Variants in TRAPPC12 observed in about 807,000 individuals in gnomAD.
The protein encoded by TRAPPC12 is TPR repeat protein 15.
A neutral mutation model predicts 69.2 loss-of-function variants in TRAPPC12; 61 were observed. That is an observed-to-expected ratio of 0.88 (90% CI 0.72 to 1.09). TRAPPC12 has a LOEUF of 1.09. TRAPPC12 is among the 50% of genes least tolerant of loss of function. The probability of loss-of-function intolerance (pLI) is 0.00; values close to 1 mark genes in which losing one functional copy is unlikely to be tolerated. For synonymous variants in TRAPPC12, 469 were observed against 438.9 expected, an observed-to-expected ratio of 1.07 and a Z score of -0.86; for missense variants, 1,101 against 1,016.4, an observed-to-expected ratio of 1.08 and a Z score of -1.13.
chr2:3,399,013 A>G (rs1661274930), intron 2 of TRAPPC12, among the ~76,000 whole-genome samples: 1 of 152,142 alleles, frequency 6.6e-6, no homozygotes. Flanking sequence ...GATGCAGTAC[A>G]AGCGTCTCCA....
chr2:3,403,697 C>T (rs113523831), intron 3 of TRAPPC12, among the ~76,000 whole-genome samples: 44 of 152,296 alleles, frequency 2.9e-4, no homozygotes, highest in South Asian at 2.3e-3. Flanking sequence ...TTTGGAGTAG[C>T]GCGTGGCTCA....
intron 1 of TRAPPC12, among the ~76,000 whole-genome samples, chr2:3,382,760 A>G (rs1463997891): frequency 6.6e-6 from 1 of 152,162 alleles, no homozygotes; most frequent in East Asian, 1.9e-4. Flanking sequence ...CCCCATCTCT[A>G]CAAAAAATAC....
intron 10 of TRAPPC12, 121 bp from the exon 11 acceptor site, chr2:3,478,725 C>T (rs1666408271): frequency 3.9e-6 from 3 of 778,974 alleles, no homozygotes; most frequent in Admixed American, 2.4e-5. Context: ...AGATCAGGAA[C>T]CCCGGGCCAC....
intron 2 of TRAPPC12, among the ~76,000 whole-genome samples, chr2:3,392,768 A>G (rs936650761): frequency 6.6e-6 from 1 of 152,250 alleles, no homozygotes; most frequent in African/African-American, 2.4e-5. Flanking sequence ...TATGGAAAAC[A>G]TGGAGGTGCC....
At chr2:3,385,534 G>A (rs73143386) in intron 1 of TRAPPC12, among the ~76,000 whole-genome samples, 8,092 of 152,172 alleles carry the variant, frequency 0.053, 759 homozygotes, top group African/African-American at 0.18. Context: ...CTGATAAACA[G>A]ATTTCCCTAA....
At chr2:3,410,680 G>A (rs1364044440) in intron 3 of TRAPPC12, among the ~76,000 whole-genome samples, 1 of 152,150 alleles carries the variant, frequency 6.6e-6, no homozygotes, top group Non-Finnish European at 1.5e-5. Flanking sequence ...AGATCTTCCC[G>A]TTGATATGTT....
At chr2:3,473,018 T>G (rs1666130600) in intron 9 of TRAPPC12, among the ~76,000 whole-genome samples, 1 of 152,194 alleles carries the variant, frequency 6.6e-6, no homozygotes, top group Admixed American at 6.5e-5. Context: ...TTTCTTAAAC[T>G]GACTTAGCAG....
intron 2 of TRAPPC12, among the ~76,000 whole-genome samples, chr2:3,393,689 TA>T (rs11336017): frequency 0.32 from 40,590 of 126,786 alleles, 5,829 homozygotes; most frequent in East Asian, 0.62. Context: ...TACCCACATT[TA>T]AAAAAAAAAA....
In TRAPPC12 at chr2:3,398,169, C is replaced by T. The variant is rs1464237374; in HGVS notation, c.1048-3608C>T. 3.9e-5 allele frequency among the ~76,000 whole-genome samples: 6 copies of T among 152,214 alleles called. No individual in the cohort carries two copies. The East Asian group carries it at 1.2e-3, about 29-fold the overall frequency. ...CTGTTGTGAGTAATGCTACTGTGAA[C>T]ATTCACACACAGGCGTTTGTGTCTA... On this transcript the variant is annotated intron_variant, in intron 2 of 11. Transcript: ENST00000324266.
At chr2:3,422,274 C>T (rs1257998071) in intron 4 of TRAPPC12, among the ~76,000 whole-genome samples, 1 of 152,146 alleles carries the variant, frequency 6.6e-6, no homozygotes, top group African/African-American at 2.4e-5. Context: ...CGCCTCACGA[C>T]TGGCAGTAGC....
At chr2:3,411,466 G>GA (rs1322200777) in intron 3 of TRAPPC12, among the ~76,000 whole-genome samples, 1 of 152,058 alleles carries the variant, frequency 6.6e-6, no homozygotes, top group African/African-American at 2.4e-5. Flanking sequence ...AAGAAAAACT[G>GA]AAAAAAAGAT....
chr2:3,407,615 A>T (rs1004937906), intron 3 of TRAPPC12, among the ~76,000 whole-genome samples: 4 of 152,114 alleles, frequency 2.6e-5, no homozygotes, highest in African/African-American at 9.7e-5. Context: ...ATCCTGGCTA[A>T]CACGGTGAAA....
chr2:3,432,854 G>A (rs1342802611), intron 5 of TRAPPC12, among the ~76,000 whole-genome samples: 1 of 152,192 alleles, frequency 6.6e-6, no homozygotes, highest in Non-Finnish European at 1.5e-5. Context: ...TACAGGCCTT[G>A]GCCAGTCACT....
intron 2 of TRAPPC12, among the ~76,000 whole-genome samples, chr2:3,390,900 A>T (rs1202148889): frequency 6.6e-6 from 1 of 152,178 alleles, no homozygotes; most frequent in Non-Finnish European, 1.5e-5. Context: ...AAGTCCTCTA[A>T]GTAATAAAAT....
intron 7 of TRAPPC12, 66 bp from the exon 8 acceptor site, chr2:3,460,197 A>G (rs771583999): frequency 8.3e-5 from 72 of 864,544 alleles, no homozygotes; most frequent in Non-Finnish European, 1.3e-4. Context: ...CACAGGACCC[A>G]GTAATTGAGG....
chr2:3,380,237 G>A (rs1383374395), intron 1 of TRAPPC12, among the ~76,000 whole-genome samples: 2 of 151,892 alleles, frequency 1.3e-5, no homozygotes, highest in African/African-American at 4.8e-5. Flanking sequence ...GTGCCAGCCA[G>A]GCCCCCAGCA....
intron 9 of TRAPPC12, among the ~76,000 whole-genome samples, chr2:3,471,363 C>G (rs1026264410): frequency 6.6e-6 from 1 of 152,164 alleles, no homozygotes; most frequent in African/African-American, 2.4e-5. Flanking sequence ...TCTCCCCCCT[C>G]GGCCTCGTCC....
chr2:3,442,851 T>G (rs981519852), intron 5 of TRAPPC12, among the ~76,000 whole-genome samples: 2 of 152,254 alleles, frequency 1.3e-5, no homozygotes, highest in Non-Finnish European at 2.9e-5. Context: ...TTTCAGACTA[T>G]ATTCCAGATC....
At chr2:3,424,255 G>A (rs1286695511) in intron 4 of TRAPPC12, among the ~76,000 whole-genome samples, 1 of 152,218 alleles carries the variant, frequency 6.6e-6, no homozygotes, top group Non-Finnish European at 1.5e-5. Flanking sequence ...GTCTCGCTAT[G>A]TTGCCCAGGC....
Sources: gnomAD v4.1 joint callset for allele counts (sites outside exome capture counted in the v4.1 genomes callset) on GRCh38, gnomAD v4.1.1 for gene constraint, MANE v1.5 for transcripts, NCBI Gene and HGNC (gene_info 2026-07-23, HGNC 2026-07-21) for gene names.